LOXHD1: variants seen among roughly 807,000 people sequenced by gnomAD.
The protein encoded by LOXHD1 is lipoxygenase homology PLAT domains 1.
LOXHD1 carries 205 observed loss-of-function variants against 248.2 expected under a neutral mutation model. The observed-to-expected ratio is 0.83, with a 90% CI of 0.74 to 0.93. LOXHD1 has a LOEUF of 0.93. Ranked by LOEUF, LOXHD1 falls within the 40% of genes least tolerant of loss-of-function variation. The pLI, the probability that LOXHD1 is intolerant of heterozygous loss-of-function variation, is 0.00. For synonymous variants in LOXHD1, 1,113 were observed against 1,162.8 expected (o/e 0.96, Z 0.87); for missense variants, 2,930 against 2,971.6 (o/e 0.99, Z 0.33).
intron 5 of LOXHD1, among the ~76,000 whole-genome samples, chr18:46,614,718 T>TAACAAATA (rs148821094): frequency 6.7e-6 from 1 of 149,748 alleles, no homozygotes; most frequent in Non-Finnish European, 1.5e-5. Context: ...TAAAGTATAA[T>TAACAAATA]AATAAATAAA....
At chr18:46,651,412 G>C (rs551448199) in intron 1 of LOXHD1, among the ~76,000 whole-genome samples, 1 of 152,200 alleles carries the variant, frequency 6.6e-6, no homozygotes, top group South Asian at 2.1e-4. Flanking sequence ...ACAGACCTGG[G>C]ACCTGACATG....
At position 46,579,683 on chromosome 18, in the gene LOXHD1, C is replaced by T. The variant is rs2037926065; in HGVS notation, c.1756G>A (p.Glu586Lys). 4 of 1,551,736 alleles carry T rather than the reference C, an allele frequency of 2.6e-6. No individual in the cohort carries two copies. Among genetic ancestry groups the T allele is most frequent in the Admixed American group, 2.0e-5 (1 of 51,012 alleles). The stretch of plus-strand genomic sequence containing the variant: ...TTCCTGCAGTTGTAGAGCAGCCGTT[C>T]CCCCGTGTCCCCCACATCACCAAAA... The part of the protein sequence containing the change: ...CLFGDVGDTG[E>K]RLLYNCRNNT... Residue 586 changes from glutamate (E) to lysine (K), a missense_variant, in exon 13 of 41, where the codon GAA becomes AAA. Coordinates refer to ENST00000642948, the MANE Select transcript of LOXHD1 (RefSeq NM_001384474.1).
rs367612180 is a variant in LOXHD1, at chr18:46,510,033, G to A, written c.5400-218C>T. On this transcript the variant is annotated intron_variant, in intron 34 of 40. Coordinates refer to ENST00000642948, the MANE Select transcript of LOXHD1 (RefSeq NM_001384474.1). Reference sequence around the variant, plus strand: ...GAGTTTGGCTAGTAGAAATGGCCCCGAACCAAGAGGTATCAGTGCTGGGTT... The same window carrying A: ...GAGTTTGGCTAGTAGAAATGGCCCCAAACCAAGAGGTATCAGTGCTGGGTT... 5.9e-5 allele frequency among the ~76,000 whole-genome samples: 9 copies of A among 152,280 alleles called. No homozygotes were observed. The East Asian group carries it at 1.3e-3, about 23-fold the overall frequency.
At chr18:46,541,654 G>T in intron 25 of LOXHD1, 122 bp downstream of exon 25, 1 of 1,145,358 alleles carries the variant, frequency 8.7e-7, no homozygotes, top group Admixed American at 2.2e-5. Context: ...AGGGATGAAA[G>T]ACCAAAATCT....
chr18:46,569,829 G>T (rs2037717482), intron 15 of LOXHD1, among the ~76,000 whole-genome samples, 191 bp from the exon 16 acceptor site: 1 of 152,178 alleles, frequency 6.6e-6, no homozygotes, highest in Non-Finnish European at 1.5e-5. Flanking sequence ...TCTCTGTGAG[G>T]TCTCCTCAAC....
intron 14 of LOXHD1, among the ~76,000 whole-genome samples, chr18:46,572,453 T>C (rs1373023694): frequency 6.6e-6 from 1 of 151,752 alleles, no homozygotes; most frequent in Non-Finnish European, 1.5e-5. Flanking sequence ...AGGAAGAGTA[T>C]CCCAGAGGAA....
chr18:46,594,026 T>C (rs370279169), intron 9 of LOXHD1, among the ~76,000 whole-genome samples: 21 of 152,306 alleles, frequency 1.4e-4, no homozygotes, highest in African/African-American at 5.1e-4. Context: ...CCACCCACCC[T>C]ATGTCCAGTA....
chr18:46,627,492 T>C (rs1599060075), intron 4 of LOXHD1, among the ~76,000 whole-genome samples: 1 of 152,056 alleles, frequency 6.6e-6, no homozygotes, highest in Non-Finnish European at 1.5e-5. Flanking sequence ...AAATGCAACA[T>C]GGAGAAAGTG....
intron 1 of LOXHD1, among the ~76,000 whole-genome samples, chr18:46,653,742 T>A (rs974276579): frequency 6.6e-6 from 1 of 152,264 alleles, no homozygotes; most frequent in African/African-American, 2.4e-5. Context: ...GTTCTACCAT[T>A]ATTGGCTATG....
chr18:46,493,368 GA>G (rs2033621270), intron 37 of LOXHD1, among the ~76,000 whole-genome samples: 2 of 152,184 alleles, frequency 1.3e-5, no homozygotes, highest in Non-Finnish European at 2.9e-5. Flanking sequence ...TTCACAATCT[GA>G]AATAAGTTTG....
chr18:46,646,487 T>G (rs190118754), intron 2 of LOXHD1, among the ~76,000 whole-genome samples: 12 of 152,272 alleles, frequency 7.9e-5, no homozygotes, highest in Admixed American at 6.5e-4. Context: ...GGCCTCCTCC[T>G]TCCCCACTCG....
rs1568107660 is a variant in LOXHD1, at chr18:46,505,912, GTGT to G, written c.5801_5803del (p.Asn1934del). 1 of 1,551,942 alleles carries G rather than the reference GTGT, an allele frequency of 6.4e-7. No homozygotes were observed. Among genetic ancestry groups the G allele is most frequent in the Non-Finnish European group, 8.7e-7 (1 of 1,147,050 alleles). On this transcript the variant is annotated inframe_deletion, in exon 37 of 41. Transcript: ENST00000642948. The stretch of plus-strand genomic sequence containing the variant: ...CATGTCAGGGAAGTTGAATGTGTCC[GTGT>G]TGTTCCGCTCAAACTTGTTCCAGTT...
At chr18:46,654,799 A>T (rs1408352705) in intron 1 of LOXHD1, among the ~76,000 whole-genome samples, 4 of 152,336 alleles carry the variant, frequency 2.6e-5, no homozygotes, top group South Asian at 2.1e-4. Flanking sequence ...CCACATTTAT[A>T]GGCAGTACCC....
chr18:46,539,644 A>G (rs1568158230), intron 25 of LOXHD1, among the ~76,000 whole-genome samples: 1 of 152,216 alleles, frequency 6.6e-6, no homozygotes, highest in Non-Finnish European at 1.5e-5. Flanking sequence ...TGTCAACAGT[A>G]TTTTTTAAAA....
At chr18:46,536,494 G>A (rs2036315869) in intron 26 of LOXHD1, among the ~76,000 whole-genome samples, 1 of 152,062 alleles carries the variant, frequency 6.6e-6, no homozygotes, top group African/African-American at 2.4e-5. Context: ...CCCAAATCCA[G>A]AGAGATTTGA....
intron 18 of LOXHD1, among the ~76,000 whole-genome samples, chr18:46,561,535 C>G (rs1298423140): frequency 6.6e-6 from 1 of 152,208 alleles, no homozygotes; most frequent in Non-Finnish European, 1.5e-5. Flanking sequence ...GAGCCCCTGT[C>G]TGGGGTTTGA....
chr18:46,548,845 GCA>G (rs1418174232), intron 21 of LOXHD1, among the ~76,000 whole-genome samples: 1 of 152,128 alleles, frequency 6.6e-6, no homozygotes, highest in Non-Finnish European at 1.5e-5. Context: ...AAGAGAAAAT[GCA>G]CACAGAGTCT....
At chr18:46,548,595 G>C (rs2036951338) in intron 21 of LOXHD1, among the ~76,000 whole-genome samples, 1 of 152,292 alleles carries the variant, frequency 6.6e-6, no homozygotes, top group East Asian at 1.9e-4. Flanking sequence ...GAATAGGAAA[G>C]TTAACATTTT....
chr18:46,549,397 AC>A (rs1458540398), intron 21 of LOXHD1, among the ~76,000 whole-genome samples: 1 of 152,258 alleles, frequency 6.6e-6, no homozygotes, highest in Non-Finnish European at 1.5e-5. Flanking sequence ...ATAATTTCAT[AC>A]AGAATTTTCC....
Sources: allele counts gnomAD v4.1 joint callset (sites outside exome capture counted in the v4.1 genomes callset), GRCh38; gene constraint gnomAD v4.1.1; transcripts MANE v1.5; gene names NCBI Gene and HGNC (gene_info 2026-07-23, HGNC 2026-07-21).